Variants in FNDC3A observed in about 807,000 individuals in gnomAD.
FNDC3A encodes the protein fibronectin type III domain containing 3A.
In FNDC3A, 32 loss-of-function variants were observed where a neutral mutation model predicts 148.9. That is an observed-to-expected ratio of 0.21 (90% CI 0.16 to 0.29). The LOEUF is 0.29. FNDC3A is among the 10% of genes least tolerant of loss of function. The probability of loss-of-function intolerance (pLI) is 1.00; values close to 1 mark genes in which losing one functional copy is unlikely to be tolerated. For missense variants in FNDC3A, 1,191 were observed against 1,452.8 expected (o/e 0.82, Z 2.93); for synonymous variants, 472 against 473.6 (o/e 1.00, Z 0.04).
intron 8 of FNDC3A, among the ~76,000 whole-genome samples, chr13:49,148,588 G>A (rs1236280441): frequency 2.0e-5 from 3 of 152,168 alleles, no homozygotes; most frequent in Non-Finnish European, 2.9e-5. Flanking sequence ...CCAATGCCAT[G>A]CTGTTTTGAT....
At chr13:49,171,168 T>A (rs1290802648) in intron 10 of FNDC3A, among the ~76,000 whole-genome samples, 1 of 152,138 alleles carries the variant, frequency 6.6e-6, no homozygotes, top group Non-Finnish European at 1.5e-5. Context: ...TTAAAAAAAA[T>A]TAATGTAAGA....
At chr13:49,153,124 C>G (rs1488571531) in intron 8 of FNDC3A, among the ~76,000 whole-genome samples, 1 of 151,994 alleles carries the variant, frequency 6.6e-6, no homozygotes, top group Non-Finnish European at 1.5e-5. Flanking sequence ...AACTAGTTTA[C>G]AGTCCCAACA....
intron 2 of FNDC3A, among the ~76,000 whole-genome samples, chr13:49,065,448 T>C (rs1877201637): frequency 6.6e-6 from 1 of 152,244 alleles, no homozygotes; most frequent in African/African-American, 2.4e-5. Context: ...TAATTTATGT[T>C]ACATACCTAT....
In FNDC3A at chr13:49,131,142, T is replaced by C. The variant is rs1383840538; in HGVS notation, c.258T>C (p.Ile86=). The change falls in exon 5 of 26, where the codon ATT becomes ATC. Residue 86 remains isoleucine, a synonymous_variant. Coordinates refer to ENST00000492622, the MANE Select transcript of FNDC3A (RefSeq NM_001079673.2). The part of the protein sequence containing the change: ...YVPPGYAPQV[I]EDNGVRRVVV... ...ATCTGATGTTCATTTTGTAGGTTAT[T>C]GAAGACAATGGTGTTCGAAGAGTTG... The C allele has an allele frequency of 6.2e-7, 1 of 1,608,682 alleles. No individual in the cohort carries two copies. The highest frequency in any genetic ancestry group is 2.2e-5 in the East Asian group (1 of 44,858).
At chr13:49,158,029 G>T (rs11536254) in intron 8 of FNDC3A, among the ~76,000 whole-genome samples, 11 of 152,134 alleles carry the variant, frequency 7.2e-5, no homozygotes, top group South Asian at 4.2e-4. Flanking sequence ...CAGGCTTCCT[G>T]GAGCTGTGGT....
intron 4 of FNDC3A, among the ~76,000 whole-genome samples, chr13:49,117,060 TAGATCATATA>T (rs1881014403): frequency 6.6e-6 from 1 of 152,120 alleles, no homozygotes; most frequent in Admixed American, 6.5e-5. Flanking sequence ...GTAAGAAGTC[TAGATCATATA>T]AGACTCTTAC....
intron 2 of FNDC3A, among the ~76,000 whole-genome samples, chr13:49,051,256 A>G: frequency 6.6e-6 from 1 of 152,008 alleles, no homozygotes; most frequent in East Asian, 1.9e-4. Context: ...TGTTATTGTT[A>G]TATAGGGTCC....
chr13:49,043,440 AT>A (rs1198271076), intron 2 of FNDC3A, among the ~76,000 whole-genome samples: 1 of 152,128 alleles, frequency 6.6e-6, no homozygotes, highest in Non-Finnish European at 1.5e-5. Context: ...GAAAGTATAG[AT>A]TTAAATTGTT....
intron 4 of FNDC3A, among the ~76,000 whole-genome samples, chr13:49,118,595 A>C (rs1208358462): frequency 6.6e-6 from 1 of 152,246 alleles, no homozygotes; most frequent in Non-Finnish European, 1.5e-5. Flanking sequence ...CAGCAAGCTA[A>C]GATCCACTGG....
chr13:49,079,505 C>T (rs1012321548), intron 3 of FNDC3A, among the ~76,000 whole-genome samples: 1 of 152,124 alleles, frequency 6.6e-6, no homozygotes, highest in African/African-American at 2.4e-5. Flanking sequence ...GTCAGATGGA[C>T]AAAGGGTCTC....
intron 3 of FNDC3A, among the ~76,000 whole-genome samples, chr13:49,100,227 A>T (rs1302717922): frequency 1.3e-5 from 2 of 152,142 alleles, no homozygotes; most frequent in African/African-American, 4.8e-5. Flanking sequence ...TTTTGTTAGA[A>T]CTTTATCTCC....
intron 2 of FNDC3A, among the ~76,000 whole-genome samples, chr13:49,041,704 G>A (rs940276287): frequency 6.6e-6 from 1 of 151,782 alleles, no homozygotes; most frequent in Non-Finnish European, 1.5e-5. Flanking sequence ...CCAGCTACTC[G>A]GGAGGGTAAG....
intron 3 of FNDC3A, among the ~76,000 whole-genome samples, chr13:49,076,819 A>T (rs926118871): frequency 1.4e-4 from 21 of 152,162 alleles, no homozygotes; most frequent in Non-Finnish European, 1.2e-4. Flanking sequence ...TTGTATTTTT[A>T]AAGTTATTTA....
At chr13:49,048,450 G>A (rs999220947) in intron 2 of FNDC3A, among the ~76,000 whole-genome samples, 25 of 151,870 alleles carry the variant, frequency 1.6e-4, no homozygotes, top group African/African-American at 4.4e-4. Flanking sequence ...ATATTAATTC[G>A]TGAGCATGGG....
intron 4 of FNDC3A, among the ~76,000 whole-genome samples, chr13:49,128,799 C>T (rs976996799): frequency 6.6e-6 from 1 of 152,234 alleles, no homozygotes; most frequent in Admixed American, 6.5e-5. Context: ...ATCAGCCCCA[C>T]TTCTACCTTA....
intron 2 of FNDC3A, among the ~76,000 whole-genome samples, chr13:49,026,592 C>T (rs1368481774): frequency 6.6e-6 from 1 of 152,156 alleles, no homozygotes; most frequent in Non-Finnish European, 1.5e-5. Context: ...CAGCCTCAGT[C>T]TCCTGGGCTT....
intron 3 of FNDC3A, among the ~76,000 whole-genome samples, chr13:49,077,103 C>T (rs1177196358): frequency 6.6e-6 from 1 of 152,140 alleles, no homozygotes; most frequent in Non-Finnish European, 1.5e-5. Flanking sequence ...CATAACAAGA[C>T]CCTGTCTCTA....
chr13:49,131,928 T>A (rs1194547457), intron 5 of FNDC3A, among the ~76,000 whole-genome samples: 1 of 152,238 alleles, frequency 6.6e-6, no homozygotes, highest in Non-Finnish European at 1.5e-5. Flanking sequence ...TATTCCTGAC[T>A]GCCTTCTCGA....
At position 49,127,022 on chromosome 13, in the gene FNDC3A, T is replaced by G. The variant is rs546006008; in HGVS notation, c.253-4115T>G. Among the ~76,000 whole-genome samples, 195 of 152,324 alleles carry G rather than the reference T, an allele frequency of 1.3e-3. 1 individual carries two copies. The highest frequency in any genetic ancestry group is 4.5e-3 in the African/African-American group (187 of 41,572). On this transcript the variant is annotated intron_variant, in intron 4 of 25. Coordinates refer to ENST00000492622, the MANE Select transcript of FNDC3A (RefSeq NM_001079673.2). ...ACTCCTAGCCCCACACTTCCACCAG[T>G]GTTTGCACATCTGCAGTTATGTGCT...
Sources: allele counts gnomAD v4.1 joint callset (sites outside exome capture counted in the v4.1 genomes callset), GRCh38; gene constraint gnomAD v4.1.1; transcripts MANE v1.5; gene names NCBI Gene and HGNC (gene_info 2026-07-23, HGNC 2026-07-21).